Variants in ERBB4 observed in about 807,000 individuals in gnomAD.
ERBB4 encodes the protein receptor tyrosine-protein kinase erbB-4.
ERBB4 carries 42 observed loss-of-function variants against 158.0 expected under a neutral mutation model. The ratio of observed to expected loss-of-function variants is 0.27; its 90% confidence interval spans 0.21 to 0.34. ERBB4 has a LOEUF of 0.34. Ranked by LOEUF, ERBB4 falls within the 10% of genes least tolerant of loss-of-function variation. The probability of loss-of-function intolerance (pLI) is 1.00; values close to 1 mark genes in which losing one functional copy is unlikely to be tolerated. For missense variants in ERBB4, 1,333 were observed against 1,624.1 expected, an observed-to-expected ratio of 0.82 and a Z score of 3.08; for synonymous variants, 583 against 558.7, an observed-to-expected ratio of 1.04 and a Z score of -0.61.
intron 2 of ERBB4, chr2:211,960,859 G>C (rs796707565): frequency 6.6e-6 from 1 of 152,032 alleles, no homozygotes; most frequent in South Asian, 2.1e-4. Context: ...GTCTGCATCA[G>C]GCACTATGTC....
rs530858050 is a variant in ERBB4, at chr2:212,149,182, T to A, written c.83-24279A>T. The stretch of plus-strand genomic sequence containing the variant: ...AAATATAATAATTAAAAAAAAATTT[T>A]AAAAAATTTGATTTTCTAAATTCAC... On this transcript the variant is annotated intron_variant, in intron 1 of 27. Coordinates refer to ENST00000342788, the MANE Select transcript of ERBB4 (RefSeq NM_005235.3). Among the ~76,000 whole-genome samples, 1,058 of 151,984 alleles carry A rather than the reference T, an allele frequency of 7.0e-3. 6 individuals carry two copies. The highest frequency in any genetic ancestry group is 0.024 in the Middle Eastern group (7 of 294).
At chr2:211,691,406 T>C (rs185206382) in intron 12 of ERBB4, among the ~76,000 whole-genome samples, 1 of 152,312 alleles carries the variant, frequency 6.6e-6, no homozygotes, top group African/African-American at 2.4e-5. Flanking sequence ...TCCCTGTGTT[T>C]ATTTTGAAAA....
intron 1 of ERBB4, among the ~76,000 whole-genome samples, chr2:212,149,661 C>T (rs2080807539): frequency 1.3e-5 from 2 of 152,038 alleles, no homozygotes; most frequent in South Asian, 2.1e-4. Context: ...ACATACAACC[C>T]TTCCATTAGC....
rs1559155053 is a variant in ERBB4 at position 211,944,197 on chromosome 2, A to AG, written c.421+3232_421+3233insC. 8.5e-4 allele frequency among the ~76,000 whole-genome samples: 38 copies of AG among 44,560 alleles called. 1 individual carries two copies. The highest frequency in any genetic ancestry group is 1.3e-3 in the Admixed American group (6 of 4,504). The allele number at this position is 44,560 out of a possible 152,430, so 29.2% of individuals were successfully genotyped here. A position where few individuals can be genotyped will look rare whatever the true frequency, so the allele number is the denominator to read the frequency against. On this transcript the variant is annotated intron_variant, in intron 3 of 27. Transcript: ENST00000342788. ...ATATACTATATATATATATATATATATACTATATATATATATACACACACA... is the reference window on the plus strand; with the variant it reads ...ATATACTATATATATATATATATATAGTACTATATATATATATACACACACA...
chr2:211,534,615 C>G (rs976848484), intron 20 of ERBB4, among the ~76,000 whole-genome samples: 4 of 152,054 alleles, frequency 2.6e-5, no homozygotes, highest in African/African-American at 9.7e-5. Context: ...TGCTTTGTAA[C>G]AGCAGTAATA....
intron 20 of ERBB4, among the ~76,000 whole-genome samples, chr2:211,554,865 G>A (rs2067195137): frequency 6.6e-6 from 1 of 152,174 alleles, no homozygotes; most frequent in Admixed American, 6.5e-5. Context: ...TTGGGCAACA[G>A]CCTACTTTTT....
chr2:211,974,052 G>C lies in ERBB4; in HGVS notation c.235-26436C>G, dbSNP rs73081339. 9.5e-3 allele frequency among the ~76,000 whole-genome samples: 1,447 copies of C among 152,218 alleles called. 22 individuals carry two copies. The highest frequency in any genetic ancestry group is 0.033 in the African/African-American group (1,374 of 41,548). ...CAATGAGAACACATGGACACAGAGAGGCGAACAACACACACTGGAGCCTTT... is the reference window on the plus strand; with the variant it reads ...CAATGAGAACACATGGACACAGAGACGCGAACAACACACACTGGAGCCTTT... On this transcript the variant is annotated intron_variant, in intron 2 of 27. Transcript: ENST00000342788.
rs369696387 is a variant in ERBB4 at position 212,373,634 on chromosome 2, A to G, written c.82+164815T>C. Among the ~76,000 whole-genome samples, 6 of 150,606 alleles carry G rather than the reference A, an allele frequency of 4.0e-5. No individual in the cohort carries two copies. In the East Asian group the frequency reaches 1.2e-3, roughly 29 times the overall value. ...CAAAATGGGAGGTATTAAGGTATCA[A>G]GTTATAGTTCTATTTTATATGATAT... On this transcript the variant is annotated intron_variant, in intron 1 of 27. Coordinates refer to ENST00000342788, the MANE Select transcript of ERBB4 (RefSeq NM_005235.3).
chr2:211,673,082 G>C, intron 14 of ERBB4, 82 bp downstream of exon 14: 1 of 1,094,238 alleles, frequency 9.1e-7, no homozygotes, highest in South Asian at 1.2e-5. Context: ...CTATTGAATG[G>C]ATGAATAAAT....
chr2:211,514,065 A>G lies in ERBB4; in HGVS notation c.2487+47838T>C, dbSNP rs116234324. ...TTGTCCTACTGTGCTAGGGAACACT[A>G]GGACTTATTCTTTCTATCTAACTGT... On this transcript the variant is annotated intron_variant, in intron 20 of 27. Coordinates refer to ENST00000342788, the MANE Select transcript of ERBB4 (RefSeq NM_005235.3). 3.2e-3 allele frequency among the ~76,000 whole-genome samples: 494 copies of G among 152,226 alleles called. 2 individuals carry two copies. Among genetic ancestry groups the G allele is most frequent in the African/African-American group, 0.011 (465 of 41,556 alleles).
At chr2:211,513,775 C>T (rs150220187) in intron 20 of ERBB4, among the ~76,000 whole-genome samples, 2 of 152,112 alleles carry the variant, frequency 1.3e-5, no homozygotes, top group East Asian at 1.9e-4. Context: ...AATACAGGCT[C>T]AGGGCTCCAG....
At chr2:212,042,998 C>T (rs532572652) in intron 2 of ERBB4, among the ~76,000 whole-genome samples, 7 of 152,190 alleles carry the variant, frequency 4.6e-5, no homozygotes, top group Admixed American at 2.6e-4. Flanking sequence ...TTTAGCTGTG[C>T]GGCAAAGGAA....
intron 2 of ERBB4, among the ~76,000 whole-genome samples, chr2:212,113,260 C>T (rs62184038): frequency 0.43 from 65,459 of 151,886 alleles, 15,953 homozygotes; most frequent in Non-Finnish European, 0.55. Context: ...TGCAAAACCA[C>T]AGAGACCTTA....
At chr2:211,937,580 G>A (rs1406999108) in intron 3 of ERBB4, among the ~76,000 whole-genome samples, 3 of 152,088 alleles carry the variant, frequency 2.0e-5, no homozygotes, top group Non-Finnish European at 2.9e-5. Context: ...TGGCTGGGGA[G>A]GCCTCATGAA....
chr2:211,730,558 A>G (rs1182242042), intron 5 of ERBB4, among the ~76,000 whole-genome samples: 1 of 152,018 alleles, frequency 6.6e-6, no homozygotes, highest in African/African-American at 2.4e-5. Context: ...ATATTAGATC[A>G]ACTAACAGTC....
intron 3 of ERBB4, among the ~76,000 whole-genome samples, chr2:211,788,682 A>T (rs992391157): frequency 1.3e-5 from 2 of 152,114 alleles, no homozygotes; most frequent in Admixed American, 6.6e-5. Flanking sequence ...CCAAGGTCAT[A>T]GAGTGTGGAT....
At chr2:212,135,852 G>A (rs141653037) in intron 1 of ERBB4, among the ~76,000 whole-genome samples, 2 of 152,234 alleles carry the variant, frequency 1.3e-5, no homozygotes, top group Non-Finnish European at 2.9e-5. Context: ...ACTCATCAAG[G>A]CTTGCCAAAT....
chr2:211,888,857 G>A (rs1334423279), intron 3 of ERBB4, among the ~76,000 whole-genome samples: 7 of 151,572 alleles, frequency 4.6e-5, no homozygotes, highest in African/African-American at 7.3e-5. Context: ...AAAAAACGGC[G>A]AACCATGAGA....
chr2:211,946,323 T>G (rs2080689276), intron 3 of ERBB4, among the ~76,000 whole-genome samples: 1 of 152,024 alleles, frequency 6.6e-6, no homozygotes, highest in African/African-American at 2.4e-5. Context: ...AATATCCACT[T>G]CAAATATAAG....
Sources: allele counts gnomAD v4.1 joint callset (sites outside exome capture counted in the v4.1 genomes callset), GRCh38; gene constraint gnomAD v4.1.1; transcripts MANE v1.5; gene names NCBI Gene and HGNC (gene_info 2026-07-23, HGNC 2026-07-21).